STPG2: variants seen among roughly 807,000 people sequenced by gnomAD.
STPG2 encodes the protein sperm-tail PG-rich repeat-containing protein 2.
A neutral mutation model predicts 54.2 loss-of-function variants in STPG2; 56 were observed. The observed-to-expected ratio is 1.03, with a 90% confidence interval of 0.83 to 1.29. STPG2 has a LOEUF of 1.29. STPG2 is among the 50% of genes most tolerant of loss of function. STPG2 has a pLI of 0.00. For synonymous variants in STPG2, 200 were observed against 181.8 expected, an observed-to-expected ratio of 1.10 and a Z score of -0.81; for missense variants, 596 against 544.9, an observed-to-expected ratio of 1.09 and a Z score of -0.93.
chr4:98,005,481 C>A (rs1560631757), intron 5 of STPG2, among the ~76,000 whole-genome samples: 1 of 152,094 alleles, frequency 6.6e-6, no homozygotes, highest in Non-Finnish European at 1.5e-5. Context: ...CTTGAAAAAA[C>A]GTTTTCAGCT....
intron 9 of STPG2, among the ~76,000 whole-genome samples, chr4:97,816,766 T>C (rs1343840652): frequency 6.6e-6 from 1 of 151,428 alleles, no homozygotes; most frequent in Non-Finnish European, 1.5e-5. Context: ...CTTTTTCTTT[T>C]CTTTTCTTTT....
At position 98,041,109 on chromosome 4, in the gene STPG2, T is replaced by C. The variant is rs1298996339; in HGVS notation, c.613-59791A>G. Among the ~76,000 whole-genome samples the C allele has an allele frequency of 3.3e-5, 5 of 151,810 alleles. No individual in the cohort carries two copies. The East Asian group carries it at 7.7e-4, about 23-fold the overall frequency. Reference sequence around the variant, plus strand: ...ATTTTTGTAGCTATTGTAAATGGGATTGATTTCTTGATTTGGTTCTCAGCT... The same window carrying C: ...ATTTTTGTAGCTATTGTAAATGGGACTGATTTCTTGATTTGGTTCTCAGCT... On this transcript the variant is annotated intron_variant, in intron 5 of 10. Transcript: ENST00000295268.
intron 9 of STPG2, among the ~76,000 whole-genome samples, chr4:97,743,787 A>G (rs1030472592): frequency 2.6e-5 from 4 of 151,626 alleles, no homozygotes; most frequent in Admixed American, 2.0e-4. Flanking sequence ...AATAGTGAGA[A>G]AGTTCATTTG....
chr4:97,889,678 G>A (rs1443945628), intron 8 of STPG2, among the ~76,000 whole-genome samples: 2 of 152,210 alleles, frequency 1.3e-5, no homozygotes, highest in Non-Finnish European at 2.9e-5. Flanking sequence ...GAAAAAGTTT[G>A]GGGGAAAGAG....
intron 8 of STPG2, among the ~76,000 whole-genome samples, chr4:97,859,673 C>T (rs534391215): frequency 7.2e-5 from 11 of 152,188 alleles, no homozygotes; most frequent in Admixed American, 6.6e-4. Context: ...CCATGTTGGC[C>T]AGGCTGGTCT....
intron 10 of STPG2, among the ~76,000 whole-genome samples, chr4:97,610,277 T>C (rs559937257): frequency 4.5e-4 from 68 of 152,156 alleles, no homozygotes; most frequent in Non-Finnish European, 7.9e-4. Context: ...GGAAATAAAT[T>C]ATGTCAATCA....
At chr4:97,819,690 A>C (rs1728022197) in intron 9 of STPG2, among the ~76,000 whole-genome samples, 1 of 152,092 alleles carries the variant, frequency 6.6e-6, no homozygotes, top group Non-Finnish European at 1.5e-5. Flanking sequence ...AAAATAATTT[A>C]ATATTTTAAC....
At chr4:98,037,901 C>A (rs1212574961) in intron 5 of STPG2, among the ~76,000 whole-genome samples, 1 of 151,814 alleles carries the variant, frequency 6.6e-6, no homozygotes, top group East Asian at 1.9e-4. Flanking sequence ...ATGTACAAGA[C>A]CTTTGAGGAA....
chr4:97,741,756 A>G (rs1483532231), intron 9 of STPG2, among the ~76,000 whole-genome samples: 9 of 151,546 alleles, frequency 5.9e-5, no homozygotes, highest in South Asian at 2.1e-4. Flanking sequence ...ACACTTTTAC[A>G]CTGTTGGTGG....
chr4:98,142,072 T>C (rs1740310439), intron 1 of STPG2, among the ~76,000 whole-genome samples: 1 of 152,098 alleles, frequency 6.6e-6, no homozygotes, highest in South Asian at 2.1e-4. Flanking sequence ...TGTTAGCCAT[T>C]GTTAGGGGAA....
intron 9 of STPG2, among the ~76,000 whole-genome samples, chr4:97,816,841 C>A (rs1025465583): frequency 2.7e-5 from 4 of 150,098 alleles, no homozygotes; most frequent in African/African-American, 7.4e-5. Flanking sequence ...CCCTTCCTGC[C>A]TTCCTCCTTC....
chr4:97,931,541 CA>C (rs1732545193), intron 8 of STPG2, among the ~76,000 whole-genome samples: 1 of 152,186 alleles, frequency 6.6e-6, no homozygotes, highest in Non-Finnish European at 1.5e-5. Context: ...CCTACTTCAT[CA>C]TGGTGGATTA....
chr4:97,691,830 T>G (rs2148989172), intron 10 of STPG2, among the ~76,000 whole-genome samples: 1 of 152,266 alleles, frequency 6.6e-6, no homozygotes. Flanking sequence ...GGTGTTGCTA[T>G]CCATGGCTGA....
chr4:97,602,106 CA>C (rs1421037181), intron 10 of STPG2, among the ~76,000 whole-genome samples: 1 of 151,690 alleles, frequency 6.6e-6, no homozygotes, highest in African/African-American at 2.4e-5. Flanking sequence ...TGAAGATTGC[CA>C]AAATCTCTCA....
chr4:97,476,754 T>G (rs1730082287), intron 4 of STPG2, among the ~76,000 whole-genome samples: 1 of 152,220 alleles, frequency 6.6e-6, no homozygotes, highest in Non-Finnish European at 1.5e-5. Context: ...TGCAGCATCC[T>G]TTAAAATAAT....
At chr4:97,741,898 T>C (rs1348039570) in intron 9 of STPG2, among the ~76,000 whole-genome samples, 1 of 152,120 alleles carries the variant, frequency 6.6e-6, no homozygotes, top group Admixed American at 6.6e-5. Flanking sequence ...CATGCTGCTA[T>C]AAAGACACAT....
At chr4:97,545,541 G>C (rs138462644) in intron 4 of STPG2, among the ~76,000 whole-genome samples, 5 of 152,230 alleles carry the variant, frequency 3.3e-5, no homozygotes, top group South Asian at 2.1e-4. Context: ...TTAAGTGGTA[G>C]AAATGGAGTG....
chr4:97,942,326 A>G (rs868249009), intron 8 of STPG2, among the ~76,000 whole-genome samples: 34 of 152,120 alleles, frequency 2.2e-4, no homozygotes, highest in Middle Eastern at 6.8e-3. Flanking sequence ...GTCATGGCAT[A>G]CTTCACAATG....
intron 5 of STPG2, among the ~76,000 whole-genome samples, chr4:98,090,901 C>T (rs1255051435): frequency 2.0e-5 from 3 of 150,612 alleles, no homozygotes; most frequent in African/African-American, 7.3e-5. Context: ...ACCTTCAAGA[C>T]ACTTATGCCT....
Sources: allele counts gnomAD v4.1 joint callset (sites outside exome capture counted in the v4.1 genomes callset), GRCh38; gene constraint gnomAD v4.1.1; transcripts MANE v1.5; gene names NCBI Gene and HGNC (gene_info 2026-07-23, HGNC 2026-07-21).